TAF4: variants seen among roughly 807,000 people sequenced by gnomAD.
TAF4 encodes transcription initiation factor TFIID subunit 4.
TAF4 carries 9 observed loss-of-function variants against 90.3 expected under a neutral mutation model. The observed-to-expected ratio is 0.10, with a 90% CI of 0.06 to 0.17. The LOEUF (loss-of-function observed/expected upper bound fraction) is 0.17, where lower values mean the gene tolerates loss of function less well. Among genes scored for constraint, TAF4 ranks in the 10% least tolerant of loss-of-function variants. TAF4 has a pLI of 1.00. For synonymous variants in TAF4, 818 were observed against 638.9 expected (o/e 1.28, Z -4.23); for missense variants, 1,351 against 1,370.7 (o/e 0.99, Z 0.23).
chr20:62,060,131 C>T (rs1222345097), intron 1 of TAF4, among the ~76,000 whole-genome samples: 5 of 152,216 alleles, frequency 3.3e-5, no homozygotes, highest in East Asian at 3.9e-4. Context: ...CACAGCACAC[C>T]GGGGAGCCCG....
At chr20:62,014,382 G>A (rs972485179) in intron 2 of TAF4, among the ~76,000 whole-genome samples, 165 bp downstream of exon 2, 9 of 152,138 alleles carry the variant, frequency 5.9e-5, no homozygotes, top group East Asian at 3.9e-4. Flanking sequence ...GAGCAGCGCC[G>A]TCCCGGGCCC....
In TAF4 at chr20:61,976,340, T is replaced by C. The variant is rs1242270777; in HGVS notation, c.3091-5A>G. 6.2e-7 allele frequency: 1 copy of C among 1,612,696 alleles called. No homozygotes were observed. ...CACTGAGCCGGGGCCCGACCCCTGGTGATGAAAAAGGAGAAGACAGTGTGT... is the reference window on the plus strand; with the variant it reads ...CACTGAGCCGGGGCCCGACCCCTGGCGATGAAAAAGGAGAAGACAGTGTGT... On this transcript the variant is annotated splice_region_variant and splice_polypyrimidine_tract_variant and intron_variant, in intron 14 of 14. Coordinates refer to ENST00000252996, the MANE Select transcript of TAF4 (RefSeq NM_003185.4).
At chr20:62,014,014 GT>G in intron 2 of TAF4, among the ~76,000 whole-genome samples, 1 of 118,066 alleles carries the variant, frequency 8.5e-6, no homozygotes, top group African/African-American at 4.2e-5. Context: ...TGACGCGGGG[GT>G]GTGGGTGTGT....
chr20:62,029,781 C>T (rs1357821024), intron 1 of TAF4, among the ~76,000 whole-genome samples: 1 of 152,208 alleles, frequency 6.6e-6, no homozygotes, highest in African/African-American at 2.4e-5. Context: ...GAGCACACAC[C>T]TGTAATCCCA....
intron 1 of TAF4, among the ~76,000 whole-genome samples, chr20:62,021,895 T>G (rs1237019861): frequency 6.6e-6 from 1 of 151,450 alleles, no homozygotes; most frequent in Non-Finnish European, 1.5e-5. Flanking sequence ...AGAGGCACTG[T>G]GTGCAGTGGC....
At chr20:62,047,124 C>A (rs1324541791) in intron 1 of TAF4, among the ~76,000 whole-genome samples, 1 of 152,184 alleles carries the variant, frequency 6.6e-6, no homozygotes, top group Non-Finnish European at 1.5e-5. Flanking sequence ...GGAAATCTTT[C>A]TCCAGCCACA....
At chr20:62,036,110 C>T (rs937977253) in intron 1 of TAF4, among the ~76,000 whole-genome samples, 2 of 151,888 alleles carry the variant, frequency 1.3e-5, no homozygotes, top group Non-Finnish European at 2.9e-5. Context: ...TGCAACCTCC[C>T]GCTCACGGGT....
intron 1 of TAF4, among the ~76,000 whole-genome samples, chr20:62,058,977 C>T (rs2056075403): frequency 1.1e-5 from 1 of 89,718 alleles, no homozygotes; most frequent in Non-Finnish European, 2.3e-5. Context: ...AGGCCACAGA[C>T]AATGGGGCTC....
At chr20:62,048,143 T>G (rs991709269) in intron 1 of TAF4, among the ~76,000 whole-genome samples, 1 of 152,120 alleles carries the variant, frequency 6.6e-6, no homozygotes, top group Non-Finnish European at 1.5e-5. Flanking sequence ...CCGAGTCAAT[T>G]CCCTGTGGCT....
intron 1 of TAF4, among the ~76,000 whole-genome samples, chr20:62,023,235 A>G (rs1320293386): frequency 6.6e-6 from 1 of 152,256 alleles, no homozygotes; most frequent in Non-Finnish European, 1.5e-5. Flanking sequence ...TGAGCCCAGG[A>G]GTTCGAGACC....
At chr20:62,012,703 G>A (rs923274653) in intron 3 of TAF4, 112 bp downstream of exon 3, 33 of 1,334,644 alleles carry the variant, frequency 2.5e-5, no homozygotes, top group Admixed American at 2.0e-4. Flanking sequence ...CAGATTTGAC[G>A]TAGTATCCAG....
intron 1 of TAF4, among the ~76,000 whole-genome samples, chr20:62,020,730 A>C (rs959391561): frequency 6.6e-6 from 1 of 152,234 alleles, no homozygotes; most frequent in Non-Finnish European, 1.5e-5. Context: ...AATCACAAAG[A>C]TTATCCAATA....
chr20:62,032,088 T>G (rs1479343388), intron 1 of TAF4, among the ~76,000 whole-genome samples: 1 of 152,154 alleles, frequency 6.6e-6, no homozygotes. Context: ...ACCTCTGGAG[T>G]CTCCATGTTA....
At chr20:61,985,637 C>G (rs888811261) in intron 14 of TAF4, among the ~76,000 whole-genome samples, 1 of 151,564 alleles carries the variant, frequency 6.6e-6, no homozygotes, top group African/African-American at 2.4e-5. Flanking sequence ...CACAGAAGTA[C>G]ATCTACTGTG....
intron 1 of TAF4, among the ~76,000 whole-genome samples, chr20:62,053,100 C>T (rs770546143): frequency 5.9e-5 from 9 of 152,154 alleles, no homozygotes; most frequent in Admixed American, 1.3e-4. Flanking sequence ...AGATGCCATC[C>T]CCAAGCCCAG....
At chr20:62,013,532 G>A (rs1241178682) in intron 2 of TAF4, among the ~76,000 whole-genome samples, 1 of 152,250 alleles carries the variant, frequency 6.6e-6, no homozygotes, top group East Asian at 1.9e-4. Flanking sequence ...TGAGGACACC[G>A]TTCTGTGCTA....
chr20:61,977,603 T>G (rs1385359276), intron 14 of TAF4, among the ~76,000 whole-genome samples: 1 of 152,164 alleles, frequency 6.6e-6, no homozygotes, highest in Admixed American at 6.5e-5. Flanking sequence ...CACTGCATTT[T>G]CTTTATTCCT....
rs768004588 is a variant in TAF4 at position 61,994,765 on chromosome 20, G to A, written c.3090+2785C>T. 3.9e-5 allele frequency among the ~76,000 whole-genome samples: 6 copies of A among 152,186 alleles called. No homozygotes were observed. The South Asian group carries it at 1.0e-3, about 26-fold the overall frequency. On this transcript the variant is annotated intron_variant, in intron 14 of 14. Coordinates refer to ENST00000252996, the MANE Select transcript of TAF4 (RefSeq NM_003185.4). ...AGAGTGCACCTGCATACCAAGAAGC[G>A]GTGCAAGACCAGCCAATGTGCATCA... is the stretch of plus-strand genomic sequence containing the variant.
At position 62,010,220 on chromosome 20, in the gene TAF4, G is replaced by C. The variant is rs969552149; in HGVS notation, c.1642-55C>G. On this transcript the variant is annotated intron_variant, in intron 3 of 14. Transcript: ENST00000252996. This position sits in a 1 kb window ranked among gnomAD's most constrained non-coding sequence, Gnocchi z 4.5. ...GCATCTCACGCCACCAGCTGACGAGGGGGAGACCAGCCTCACGCCCAGCAA... is the reference window on the plus strand; with the variant it reads ...GCATCTCACGCCACCAGCTGACGAGCGGGAGACCAGCCTCACGCCCAGCAA... 5.0e-6 allele frequency: 8 copies of C among 1,610,998 alleles called. No homozygotes were observed. Among genetic ancestry groups the C allele is most frequent in the Non-Finnish European group, 6.8e-6 (8 of 1,179,210 alleles).
Sources: gnomAD v4.1 joint callset for allele counts (sites outside exome capture counted in the v4.1 genomes callset) on GRCh38, gnomAD v4.1.1 for gene constraint, Gnocchi (gnomAD v3.1) non-coding constraint, MANE v1.5 for transcripts, NCBI Gene and HGNC (gene_info 2026-07-23, HGNC 2026-07-21) for gene names.